Variants in NDC1 observed in about 807,000 individuals in gnomAD.
NDC1 encodes the protein NDC1 transmembrane nucleoporin.
In NDC1, 24 loss-of-function variants were observed where a neutral mutation model predicts 89.8. The observed-to-expected ratio is 0.27, with a 90% CI of 0.19 to 0.38. The LOEUF is 0.38. Ranked by LOEUF, NDC1 falls within the 10% of genes least tolerant of loss-of-function variation. The pLI, the probability that NDC1 is intolerant of heterozygous loss-of-function variation, is 1.00. For missense variants in NDC1, 728 were observed against 797.6 expected, an observed-to-expected ratio of 0.91 and a Z score of 1.05; for synonymous variants, 296 against 284.8, an observed-to-expected ratio of 1.04 and a Z score of -0.39.
intron 5 of NDC1, among the ~76,000 whole-genome samples, chr1:53,824,274 A>AAG (rs969599326): frequency 7.3e-5 from 11 of 151,320 alleles, no homozygotes; most frequent in East Asian, 3.9e-4. Flanking sequence ...GAAATTTAAA[A>AAG]AGAGAGAGAG....
intron 13 of NDC1, among the ~76,000 whole-genome samples, chr1:53,794,973 G>T (rs1337728203): frequency 6.6e-6 from 1 of 152,134 alleles, no homozygotes; most frequent in Non-Finnish European, 1.5e-5. Flanking sequence ...GAAAAATGTG[G>T]TTTTTCTTGT....
intron 16 of NDC1, among the ~76,000 whole-genome samples, chr1:53,775,540 TGAGCTACCGCACCTG>T (rs1448949589): frequency 2.0e-5 from 3 of 152,124 alleles, no homozygotes; most frequent in Non-Finnish European, 4.4e-5. Flanking sequence ...ATTACAGGCA[TGAGCTACCGCACCTG>T]GCTGCAAAAC....
At chr1:53,824,154 G>A (rs1489912260) in intron 5 of NDC1, among the ~76,000 whole-genome samples, 2 of 150,760 alleles carry the variant, frequency 1.3e-5, no homozygotes, top group Non-Finnish European at 2.9e-5. Flanking sequence ...AGGACTGTTC[G>A]AGCCAGGAGG....
At chr1:53,798,760 G>T (rs1223712216) in intron 11 of NDC1, among the ~76,000 whole-genome samples, 1 of 151,918 alleles carries the variant, frequency 6.6e-6, no homozygotes, top group African/African-American at 2.4e-5. Flanking sequence ...TCGCCATATT[G>T]GCCAGGCTGG....
intron 3 of NDC1, among the ~76,000 whole-genome samples, chr1:53,830,897 A>G (rs916962497): frequency 6.6e-6 from 1 of 150,700 alleles, no homozygotes; most frequent in Non-Finnish European, 1.5e-5. Context: ...TGAGTATTCT[A>G]TGATCCTACC....
chr1:53,838,239 G>A lies in NDC1; in HGVS notation c.23C>T (p.Pro8Leu), dbSNP rs1323318209. The change falls in exon 1 of 18, where the codon CCC becomes CTC. Residue 8 changes from proline to leucine, a missense_variant. By Grantham distance (98) the Pro-to-Leu change is moderately conservative (BLOSUM62 -3). Coordinates refer to ENST00000371429, the MANE Select transcript of NDC1 (RefSeq NM_018087.5). ...TATGTCCCGCGACCTGCCGGCGCAG[G>A]GCCGGCTCACGGCCGTGGCCATGGA... MATAVSR[P>L]CAGRSRDILW... is the part of the protein sequence containing the mutation. The A allele has an allele frequency of 5.2e-6, 8 of 1,536,846 alleles. No individual in the cohort carries two copies. Among genetic ancestry groups the A allele is most frequent in the African/African-American group, 1.4e-5 (1 of 72,754 alleles).
chr1:53,796,960 A>G lies in NDC1; in HGVS notation c.1407T>C (p.Tyr469=). 6.2e-7 allele frequency: 1 copy of G among 1,614,192 alleles called. No homozygotes were observed. The highest frequency in any genetic ancestry group is 8.5e-7 in the Non-Finnish European group (1 of 1,180,030). Reference sequence around the variant, plus strand: ...TTAGCTGAGGACTTTGCGGTGACCCATAGCAGGTGTTTACATCAAAAATTC... The same window carrying G: ...TTAGCTGAGGACTTTGCGGTGACCCGTAGCAGGTGTTTACATCAAAAATTC... ...MAGIFDVNTC[Y]GSPQSPQLIR... is the part of the protein sequence containing the mutation. The change falls in exon 12 of 18, where the codon TAT becomes TAC. Residue 469 remains tyrosine (Y), a synonymous_variant. Coordinates refer to ENST00000371429, the MANE Select transcript of NDC1 (RefSeq NM_018087.5).
chr1:53,827,280 A>C (rs7551049), intron 4 of NDC1, among the ~76,000 whole-genome samples: 158 of 151,804 alleles, frequency 1.0e-3, no homozygotes, highest in African/African-American at 3.7e-3. Flanking sequence ...AAAAAAAAAA[A>C]AAAAAAACAA....
intron 3 of NDC1, among the ~76,000 whole-genome samples, chr1:53,829,883 T>C (rs1004820240): frequency 6.6e-6 from 1 of 152,244 alleles, no homozygotes; most frequent in Admixed American, 6.5e-5. Context: ...CTGAGTGCAG[T>C]GGCTCATGCC....
Position 53,796,772 on chromosome 1 carries a change from GAGA to G in NDC1, c.1498_1500del (p.Ser500del), listed in dbSNP as rs1647718714. 4.3e-6 allele frequency: 7 copies of G among 1,610,094 alleles called. No homozygotes were observed. Among genetic ancestry groups the G allele is most frequent in the South Asian group, 2.2e-5 (2 of 90,302 alleles). On this transcript the variant is annotated inframe_deletion, in exon 13 of 18. Transcript: ENST00000371429. ...CCCTCAGCACTAATAGAGGTAGATG[GAGA>G]AGGATTAGAAAATTCAGTCATTTGC...
At chr1:53,781,194 T>G (rs1032996139) in intron 16 of NDC1, among the ~76,000 whole-genome samples, 3 of 152,192 alleles carry the variant, frequency 2.0e-5, no homozygotes, top group African/African-American at 7.2e-5. Flanking sequence ...TTTTGGTTCC[T>G]AACATTTTGT....
At chr1:53,790,538 C>G (rs1647459830) in intron 14 of NDC1, among the ~76,000 whole-genome samples, 1 of 151,814 alleles carries the variant, frequency 6.6e-6, no homozygotes, top group African/African-American at 2.4e-5. Context: ...AAAACTCCGT[C>G]TCTACTAAAA....
intron 16 of NDC1, among the ~76,000 whole-genome samples, chr1:53,774,670 C>T (rs539383180): frequency 1.0e-3 from 158 of 152,238 alleles, no homozygotes; most frequent in African/African-American, 3.7e-3. Flanking sequence ...AGGAGGACTG[C>T]TTGAAGCCAG....
At chr1:53,828,709 T>G (rs887785813) in intron 3 of NDC1, among the ~76,000 whole-genome samples, 1 of 152,100 alleles carries the variant, frequency 6.6e-6, no homozygotes, top group South Asian at 2.1e-4. Flanking sequence ...CCTCCTGGAT[T>G]CAAGCGATTC....
At chr1:53,788,468 C>A (rs1406598756) in intron 15 of NDC1, among the ~76,000 whole-genome samples, 1 of 151,850 alleles carries the variant, frequency 6.6e-6, no homozygotes, top group Non-Finnish European at 1.5e-5. Context: ...CTATTTGTTA[C>A]CCAGGCTGGA....
intron 6 of NDC1, among the ~76,000 whole-genome samples, chr1:53,812,283 G>T (rs1333956885): frequency 6.6e-6 from 1 of 152,190 alleles, no homozygotes. Flanking sequence ...ACCTGAAAAA[G>T]AATTCAGGAG....
intron 11 of NDC1, among the ~76,000 whole-genome samples, chr1:53,798,494 A>G (rs998933335): frequency 6.0e-5 from 9 of 151,190 alleles, no homozygotes; most frequent in East Asian, 3.9e-4. Context: ...TAAAACCACC[A>G]TAAGAAATAT....
chr1:53,787,866 TA>T (rs10714462), intron 15 of NDC1, among the ~76,000 whole-genome samples: 106,958 of 134,864 alleles, frequency 0.79, 42,151 homozygotes, highest in African/African-American at 0.85. Flanking sequence ...GCCAGGAAAT[TA>T]AAAAAAAAAA....
At position 53,793,287 on chromosome 1, in the gene NDC1, G is replaced by A. The variant is rs2100646714; in HGVS notation, c.1585-8C>T. On this transcript the variant is annotated splice_region_variant and splice_polypyrimidine_tract_variant and intron_variant, in intron 13 of 17. Transcript: ENST00000371429. ...TGACAAGAAATTCTTAATCTGAGTT[G>A]GAAAAAAGGAAGAATTAACACATTT... 2 of 1,597,230 alleles carry A rather than the reference G, an allele frequency of 1.3e-6. No individual in the cohort carries two copies. The highest frequency in any genetic ancestry group is 1.1e-5 in the South Asian group (1 of 90,492).
Sources: gnomAD v4.1 joint callset for allele counts (sites outside exome capture counted in the v4.1 genomes callset) on GRCh38, gnomAD v4.1.1 for gene constraint, MANE v1.5 for transcripts, NCBI Gene and HGNC (gene_info 2026-07-23, HGNC 2026-07-21) for gene names.